The following TSHZ2 variants were observed in gnomAD, a reference collection of about 807,000 sequenced individuals.
The protein encoded by TSHZ2 is teashirt homolog 2.
In TSHZ2, 21 loss-of-function variants were observed where a neutral mutation model predicts 74.4. The observed-to-expected ratio is 0.28, with a 90% confidence interval of 0.20 to 0.41. The LOEUF is 0.41. TSHZ2 is among the 10% of genes least tolerant of loss of function. The probability of loss-of-function intolerance (pLI) is 1.00; values close to 1 mark genes in which losing one functional copy is unlikely to be tolerated. For synonymous variants in TSHZ2, 540 were observed against 515.3 expected (o/e 1.05, Z -0.65); for missense variants, 1,244 against 1,293.5 (o/e 0.96, Z 0.59).
intron 2 of TSHZ2, among the ~76,000 whole-genome samples, chr20:53,269,471 C>T (rs766989793): frequency 4.6e-5 from 7 of 152,168 alleles, no homozygotes; most frequent in Admixed American, 6.5e-5. Flanking sequence ...TGCAAAGCCC[C>T]ACTTGTTACA....
chr20:53,452,598 CA>C (rs11313655), intron 2 of TSHZ2, among the ~76,000 whole-genome samples: 38,051 of 121,034 alleles, frequency 0.31, 6,470 homozygotes, highest in African/African-American at 0.56. Context: ...GACTCTGTCT[CA>C]AAAAAAAAAA....
At chr20:53,146,240 G>T (rs1987536886) in intron 1 of TSHZ2, among the ~76,000 whole-genome samples, 1 of 152,096 alleles carries the variant, frequency 6.6e-6, no homozygotes, top group African/African-American at 2.4e-5. Context: ...TGCAGTTGTG[G>T]GGCAGGGGGC....
chr20:53,286,625 C>T (rs1384308088), intron 2 of TSHZ2, among the ~76,000 whole-genome samples: 1 of 152,138 alleles, frequency 6.6e-6, no homozygotes, highest in Non-Finnish European at 1.5e-5. Flanking sequence ...TAGCTCACAC[C>T]TGTAATCCCA....
chr20:53,128,746 C>T (rs1014844231), intron 1 of TSHZ2, among the ~76,000 whole-genome samples: 2 of 151,992 alleles, frequency 1.3e-5, no homozygotes, highest in Admixed American at 6.6e-5. Context: ...CTCAGCCTCC[C>T]GAGTAGCTGG....
intron 2 of TSHZ2, among the ~76,000 whole-genome samples, chr20:53,366,201 C>T (rs1981251465): frequency 1.3e-5 from 2 of 152,168 alleles, no homozygotes; most frequent in African/African-American, 4.8e-5. Flanking sequence ...CTTACTTGGT[C>T]CGGGATTCAC....
chr20:53,352,516 ACTCT>A (rs1156600913), intron 2 of TSHZ2, among the ~76,000 whole-genome samples: 1 of 151,742 alleles, frequency 6.6e-6, no homozygotes, highest in Non-Finnish European at 1.5e-5. Context: ...GCGGTGGCTC[ACTCT>A]CTCAGCACTT....
intron 2 of TSHZ2, among the ~76,000 whole-genome samples, chr20:53,363,413 T>A (rs922058610): frequency 2.6e-5 from 4 of 152,150 alleles, no homozygotes; most frequent in Non-Finnish European, 5.9e-5. Flanking sequence ...CCGTCAAGAT[T>A]TGGAATTTTG....
rs577606850 is a variant in TSHZ2, at chr20:53,181,663, C to T, written c.41-71836C>T. ...CAGCACTTTGGGAGGCCGAGGCGGG[C>T]AGATCACGAGGTCAGGAGATTGAGA... On this transcript the variant is annotated intron_variant, in intron 1 of 2. Transcript: ENST00000371497. 1.5e-4 allele frequency among the ~76,000 whole-genome samples: 23 copies of T among 152,212 alleles called. No homozygotes were observed. The South Asian group carries it at 3.7e-3, about 25-fold the overall frequency.
intron 2 of TSHZ2, among the ~76,000 whole-genome samples, chr20:53,340,359 A>G (rs1458849442): frequency 1.3e-5 from 2 of 150,660 alleles, no homozygotes; most frequent in Non-Finnish European, 3.0e-5. Context: ...TTTTTTGTAT[A>G]TTTTTTAGTA....
chr20:53,280,390 A>G (rs980863861), intron 2 of TSHZ2, among the ~76,000 whole-genome samples: 2 of 152,208 alleles, frequency 1.3e-5, no homozygotes, highest in Non-Finnish European at 2.9e-5. Flanking sequence ...ATGACCTCCC[A>G]TGATATAATG....
intron 2 of TSHZ2, among the ~76,000 whole-genome samples, chr20:53,282,261 C>G (rs1442423662): frequency 2.0e-5 from 3 of 152,186 alleles, no homozygotes; most frequent in Non-Finnish European, 4.4e-5. Context: ...TGACTTTCAC[C>G]TGATTGTCAC....
chr20:53,395,528 C>T (rs73913721), intron 2 of TSHZ2, among the ~76,000 whole-genome samples: 1,975 of 152,332 alleles, frequency 0.013, 36 homozygotes, highest in African/African-American at 0.045. Flanking sequence ...ATTATTAAGA[C>T]ATTTTCCAGA....
At chr20:53,141,502 G>A (rs1483585881) in intron 1 of TSHZ2, among the ~76,000 whole-genome samples, 3 of 152,192 alleles carry the variant, frequency 2.0e-5, no homozygotes, top group Non-Finnish European at 4.4e-5. Context: ...ATGTTTGCTT[G>A]GATCTCTTTA....
At chr20:53,188,260 A>G (rs919830417) in intron 1 of TSHZ2, among the ~76,000 whole-genome samples, 9 of 152,212 alleles carry the variant, frequency 5.9e-5, no homozygotes, top group Non-Finnish European at 1.3e-4. Flanking sequence ...AAATGGTACA[A>G]CATGCCTGTT....
At chr20:53,250,436 A>C (rs1265561198) in intron 1 of TSHZ2, among the ~76,000 whole-genome samples, 1 of 152,158 alleles carries the variant, frequency 6.6e-6, no homozygotes, top group African/African-American at 2.4e-5. Flanking sequence ...TGGCAAACAA[A>C]ATCACTTAAG....
intron 2 of TSHZ2, among the ~76,000 whole-genome samples, chr20:53,330,217 A>G (rs1600813767): frequency 6.6e-6 from 1 of 152,086 alleles, no homozygotes; most frequent in African/African-American, 2.4e-5. Flanking sequence ...TGAAATAATT[A>G]TAGATTCATA....
In TSHZ2 at chr20:53,254,904, G is replaced by C. The variant is rs1447284051; in HGVS notation, c.1446G>C (p.Glu482Asp). 6.2e-7 allele frequency: 1 copy of C among 1,613,852 alleles called. No homozygotes were observed. The highest frequency in any genetic ancestry group is 8.5e-7 in the Non-Finnish European group (1 of 1,180,014). ...TSKDEKVVKSEDYEDPLQKPL... is the reference protein window; with the variant it reads ...TSKDEKVVKSDDYEDPLQKPL... ...AGGATGAGAAAGTCGTGAAAAGCGA[G>C]GACTATGAAGATCCTCTACAAAAAC... The change falls in exon 2 of 3, where the codon GAG (glutamate) becomes GAC (aspartate). Residue 482 changes from glutamate (E) to aspartate (D), a missense_variant. Physicochemically the swap from Glu to Asp is conservative, Grantham distance 45. Transcript: ENST00000371497.
At chr20:53,273,869 C>CG (rs1365521370) in intron 2 of TSHZ2, among the ~76,000 whole-genome samples, 1 of 152,252 alleles carries the variant, frequency 6.6e-6, no homozygotes, top group Non-Finnish European at 1.5e-5. Context: ...TGTGGGGCCC[C>CG]GGGTGGGCTC....
chr20:53,315,367 A>G (rs6022384), intron 2 of TSHZ2, among the ~76,000 whole-genome samples: 1,577 of 152,242 alleles, frequency 0.01, 31 homozygotes, highest in African/African-American at 0.036. Flanking sequence ...CCAAGTCTGT[A>G]TTTTCTCTTG....
Sources: gnomAD v4.1 joint callset for allele counts (sites outside exome capture counted in the v4.1 genomes callset) on GRCh38, gnomAD v4.1.1 for gene constraint, MANE v1.5 for transcripts, NCBI Gene and HGNC (gene_info 2026-07-23, HGNC 2026-07-21) for gene names.